The following ANAPC4 variants were observed in gnomAD, a reference collection of about 807,000 sequenced individuals.
ANAPC4 encodes the protein anaphase-promoting complex subunit 4.
A neutral mutation model predicts 119.8 loss-of-function variants in ANAPC4; 63 were observed. The ratio of observed to expected loss-of-function variants is 0.53; its 90% confidence interval spans 0.43 to 0.65. ANAPC4 has a LOEUF of 0.65. ANAPC4 is among the 30% of genes least tolerant of loss of function. ANAPC4 has a pLI of 0.00. For missense variants in ANAPC4, 716 were observed against 945.1 expected (o/e 0.76, Z 3.18); for synonymous variants, 283 against 318.6 (o/e 0.89, Z 1.19).
rs763305363 is a variant in ANAPC4, at chr4:25,406,816, CTT to C, written c.1318-10_1318-9del. 6 of 1,580,122 alleles carry C rather than the reference CTT, an allele frequency of 3.8e-6. No homozygotes were observed. Among genetic ancestry groups the C allele is most frequent in the Non-Finnish European group, 2.6e-6 (3 of 1,164,122 alleles). ...TTTATCTTGATTTTTCTTTTTGTTC[CTT>C]TTGTTGATAGATGACTCAGAAAGAT... On this transcript the variant is annotated splice_polypyrimidine_tract_variant and intron_variant, in intron 18 of 28. Transcript: ENST00000315368.
At chr4:25,402,600 G>T (rs564210379) in intron 16 of ANAPC4, among the ~76,000 whole-genome samples, 1 of 152,092 alleles carries the variant, frequency 6.6e-6, no homozygotes, top group African/African-American at 2.4e-5. Context: ...TGACCAATGA[G>T]TATTTTCTTT....
At chr4:25,391,625 C>T (rs1400622051) in intron 9 of ANAPC4, among the ~76,000 whole-genome samples, 1 of 152,210 alleles carries the variant, frequency 6.6e-6, no homozygotes, top group East Asian at 1.9e-4. Context: ...AGGAAGCTAA[C>T]TGGGCTCCCA....
chr4:25,411,878 G>A (rs976878700), intron 21 of ANAPC4, among the ~76,000 whole-genome samples: 16 of 152,082 alleles, frequency 1.1e-4, no homozygotes, highest in African/African-American at 3.9e-4. Flanking sequence ...GACACCAACG[G>A]GGTGTCCTAC....
chr4:25,396,630 A>G (rs2109125935), intron 14 of ANAPC4, 34 bp from the exon 15 acceptor site: 3 of 1,468,654 alleles, frequency 2.0e-6, no homozygotes, highest in Non-Finnish European at 2.8e-6. Context: ...GATGATCGTC[A>G]TGATACTAAT....
chr4:25,407,973 T>A (rs900333690), intron 20 of ANAPC4, among the ~76,000 whole-genome samples: 9 of 152,242 alleles, frequency 5.9e-5, no homozygotes, highest in Non-Finnish European at 8.8e-5. Context: ...TGAAAAATAA[T>A]GAAATTTTAC....
chr4:25,416,751 T>C, intron 27 of ANAPC4, 153 bp downstream of exon 27: 1 of 526,318 alleles, frequency 1.9e-6, no homozygotes, highest in Non-Finnish European at 3.0e-6. Context: ...AATTTTTCAT[T>C]CAAAATATGC....
At chr4:25,380,228 A>T in intron 2 of ANAPC4, 146 bp from the exon 3 acceptor site, 2 of 508,862 alleles carry the variant, frequency 3.9e-6, no homozygotes, top group South Asian at 8.5e-5. Flanking sequence ...GTGTTCATTC[A>T]GACACTGTTG....
chr4:25,389,733 G>C (rs1475267972), intron 7 of ANAPC4, among the ~76,000 whole-genome samples: 1 of 152,164 alleles, frequency 6.6e-6, no homozygotes, highest in East Asian at 1.9e-4. Flanking sequence ...AAGGATATAA[G>C]TACTAGAGTT....
rs202221095 is a variant in ANAPC4, at chr4:25,417,648, G to A, written c.2108G>A (p.Arg703His). ...LDEQCSAIPT[R>H]TMHFEKHWRL... ...GAACAGTGTAGTGCTATTCCCACCCGTACCATGCATTTTGAGAAGCACTGG... is the reference window on the plus strand; with the variant it reads ...GAACAGTGTAGTGCTATTCCCACCCATACCATGCATTTTGAGAAGCACTGG... Residue 703 changes from arginine to histidine, a missense_variant, in exon 28 of 29, where the codon CGT becomes CAT. By Grantham distance (29) the Arg-to-His change is conservative. This residue lies in a region of ANAPC4 where 504 missense variants were observed against 615.8 expected (regional missense o/e 0.82). Transcript: ENST00000315368. 20 of 1,613,086 alleles carry A rather than the reference G, an allele frequency of 1.2e-5. No individual in the cohort carries two copies. Among genetic ancestry groups the A allele is most frequent in the East Asian group, 6.7e-5 (3 of 44,838 alleles).
chr4:25,386,191 G>A (rs1447248725), intron 4 of ANAPC4, among the ~76,000 whole-genome samples: 1 of 151,734 alleles, frequency 6.6e-6, no homozygotes, highest in African/African-American at 2.4e-5. Flanking sequence ...GGGATTACAG[G>A]CATAAGCCTC....
At chr4:25,399,929 G>C (rs1247626125) in intron 16 of ANAPC4, among the ~76,000 whole-genome samples, 1 of 152,218 alleles carries the variant, frequency 6.6e-6, no homozygotes, top group Non-Finnish European at 1.5e-5. Flanking sequence ...CAGGCTGAGT[G>C]AAGAAGGCAT....
chr4:25,399,492 AT>A (rs1340124534), intron 16 of ANAPC4, among the ~76,000 whole-genome samples: 1 of 151,632 alleles, frequency 6.6e-6, no homozygotes, highest in Non-Finnish European at 1.5e-5. Context: ...GGGTTATCTG[AT>A]TTTTTTTAAT....
intron 26 of ANAPC4, 84 bp from the exon 27 acceptor site, chr4:25,416,341 G>A: frequency 1.1e-6 from 1 of 884,270 alleles, no homozygotes; most frequent in East Asian, 2.9e-5. Flanking sequence ...ATTTTTTTCT[G>A]CTTGCTGCCA....
At chr4:25,396,263 GCCATGAGA>G (rs1334462578) in intron 14 of ANAPC4, among the ~76,000 whole-genome samples, 4 of 152,164 alleles carry the variant, frequency 2.6e-5, no homozygotes, top group Non-Finnish European at 5.9e-5. Flanking sequence ...TACTGTCAAT[GCCATGAGA>G]CCCTTTGATT....
In ANAPC4 at chr4:25,413,739, A is replaced by G. The variant is rs772775636; in HGVS notation, c.1620A>G (p.Pro540=). 1 of 1,610,684 alleles carries G rather than the reference A, an allele frequency of 6.2e-7. No homozygotes were observed. Among genetic ancestry groups the G allele is most frequent in the African/African-American group, 1.3e-5 (1 of 74,818 alleles). Residue 540 remains proline (P), a synonymous_variant, in exon 22 of 29, where the codon CCA becomes CCG. Coordinates refer to ENST00000315368, the MANE Select transcript of ANAPC4 (RefSeq NM_013367.3). ...TTATTGATCAGTGTTTGCAAAAGCC[A>G]GCAGTAAGTTTGAAAGAAATGCATG... ...ENIIDQCLQK[P]ADVIGKSMNQ...
chr4:25,406,721 T>G, intron 18 of ANAPC4, 108 bp from the exon 19 acceptor site: 1 of 823,638 alleles, frequency 1.2e-6, no homozygotes, highest in East Asian at 2.8e-5. Flanking sequence ...AGTTTTCCCA[T>G]GGCTTTTAGT....
At chr4:25,377,587 T>C in intron 2 of ANAPC4, 31 bp downstream of exon 2, 1 of 1,576,300 alleles carries the variant, frequency 6.3e-7, no homozygotes, top group African/African-American at 1.3e-5. Context: ...CCGCCTGTGC[T>C]GGGTCTGCTC....
Position 25,407,267 on chromosome 4 carries a change from A to G in ANAPC4, c.1431+14A>G. 1 of 1,592,112 alleles carries G rather than the reference A, an allele frequency of 6.3e-7. No individual in the cohort carries two copies. Among genetic ancestry groups the G allele is most frequent in the Non-Finnish European group, 8.5e-7 (1 of 1,171,868 alleles). On this transcript the variant is annotated intron_variant, in intron 20 of 28. Coordinates refer to ENST00000315368, the MANE Select transcript of ANAPC4 (RefSeq NM_013367.3). ...AGAGTTGGTCAGGTATGGGCTTTGAACTCATTTTAAAACCTTAGCAGTGTT... is the reference window on the plus strand; with the variant it reads ...AGAGTTGGTCAGGTATGGGCTTTGAGCTCATTTTAAAACCTTAGCAGTGTT...
chr4:25,382,762 G>A (rs1242735298), intron 3 of ANAPC4, among the ~76,000 whole-genome samples: 1 of 152,142 alleles, frequency 6.6e-6, no homozygotes. Context: ...TGACTTGTGT[G>A]GAGAAACCAT....
Sources: gnomAD v4.1 joint callset for allele counts (sites outside exome capture counted in the v4.1 genomes callset) on GRCh38, gnomAD v4.1.1 for gene constraint, gnomAD v4.1.1 regional missense constraint, MANE v1.5 for transcripts, NCBI Gene and HGNC (gene_info 2026-07-23, HGNC 2026-07-21) for gene names.